Variants in ZFPM2 observed in about 807,000 individuals in gnomAD.
The protein encoded by ZFPM2 is zinc finger protein ZFPM2.
Under a neutral mutation model 98.6 loss-of-function variants are expected in ZFPM2, and 20 were observed. That is an observed-to-expected ratio of 0.20 (90% confidence interval 0.14 to 0.29). The LOEUF (loss-of-function observed/expected upper bound fraction) is 0.29, where lower values mean the gene tolerates loss of function less well. ZFPM2 is among the 10% of genes least tolerant of loss of function. The pLI, the probability that ZFPM2 is intolerant of heterozygous loss-of-function variation, is 1.00. For synonymous variants in ZFPM2, 518 were observed against 502.7 expected, an observed-to-expected ratio of 1.03 and a Z score of -0.41; for missense variants, 1,310 against 1,388.6, an observed-to-expected ratio of 0.94 and a Z score of 0.90.
At chr8:105,570,623 T>C (rs1815334542) in intron 4 of ZFPM2, among the ~76,000 whole-genome samples, 1 of 152,234 alleles carries the variant, frequency 6.6e-6, no homozygotes, top group Non-Finnish European at 1.5e-5. Context: ...TGATAATTTT[T>C]ACTTGCCTCC....
At chr8:105,670,495 C>CAAAAAA (rs1160128174) in intron 5 of ZFPM2, among the ~76,000 whole-genome samples, 6 of 49,250 alleles carry the variant, frequency 1.2e-4, no homozygotes, top group Non-Finnish European at 1.8e-4. Context: ...GAGTCCATCT[C>CAAAAAA]AAAAAAAAAA....
intron 1 of ZFPM2, among the ~76,000 whole-genome samples, chr8:105,373,293 T>G (rs1260031236): frequency 6.6e-6 from 1 of 152,218 alleles, no homozygotes; most frequent in Non-Finnish European, 1.5e-5. Flanking sequence ...TTTCACAAGA[T>G]TCTTCTTTCT....
chr8:105,527,303 G>A (rs955027644), intron 3 of ZFPM2, among the ~76,000 whole-genome samples: 60 of 152,124 alleles, frequency 3.9e-4, no homozygotes, highest in African/African-American at 8.9e-4. Context: ...TGGCAAGGAC[G>A]ACCTGGAAAT....
chr8:105,683,969 G>C (rs911057217), intron 5 of ZFPM2, among the ~76,000 whole-genome samples: 1 of 152,126 alleles, frequency 6.6e-6, no homozygotes, highest in Admixed American at 6.6e-5. Context: ...ATGAATGAAT[G>C]GATGGATCAT....
At chr8:105,541,610 G>A (rs966372875) in intron 3 of ZFPM2, among the ~76,000 whole-genome samples, 1 of 152,146 alleles carries the variant, frequency 6.6e-6, no homozygotes, top group Non-Finnish European at 1.5e-5. Flanking sequence ...TCACTTGTAG[G>A]TGTACACCTA....
At chr8:105,558,428 A>G (rs1815049178) in intron 3 of ZFPM2, among the ~76,000 whole-genome samples, 1 of 152,186 alleles carries the variant, frequency 6.6e-6, no homozygotes, top group Non-Finnish European at 1.5e-5. Context: ...TTGACTTGAT[A>G]TTTTGAACAG....
intron 5 of ZFPM2, among the ~76,000 whole-genome samples, chr8:105,763,161 T>C (rs1812772648): frequency 2.0e-5 from 3 of 151,624 alleles, no homozygotes; most frequent in African/African-American, 7.3e-5. Context: ...TTTGGGACTC[T>C]GTGAAATTTC....
At chr8:105,531,597 T>A (rs1814298829) in intron 3 of ZFPM2, among the ~76,000 whole-genome samples, 1 of 152,142 alleles carries the variant, frequency 6.6e-6, no homozygotes, top group East Asian at 1.9e-4. Context: ...CCTGAGGTAT[T>A]GAGAGTTAGG....
At chr8:105,483,280 T>G (rs1408465024) in intron 3 of ZFPM2, among the ~76,000 whole-genome samples, 5 of 152,014 alleles carry the variant, frequency 3.3e-5, no homozygotes, top group Non-Finnish European at 2.9e-5. Flanking sequence ...AATAATAAAT[T>G]GGCTATATTA....
intron 5 of ZFPM2, among the ~76,000 whole-genome samples, chr8:105,656,773 GT>G (rs771302959): frequency 1.6e-4 from 24 of 152,236 alleles, no homozygotes; most frequent in Middle Eastern, 3.4e-3. Flanking sequence ...ATACTGAAAA[GT>G]TTTAAAAGAC....
intron 4 of ZFPM2, among the ~76,000 whole-genome samples, chr8:105,622,875 A>G (rs577806150): frequency 6.6e-6 from 1 of 152,324 alleles, no homozygotes; most frequent in South Asian, 2.1e-4. Context: ...GAATCCTGAT[A>G]TTAATATAGT....
chr8:105,488,676 A>G (rs1241575406), intron 3 of ZFPM2, among the ~76,000 whole-genome samples: 1 of 152,122 alleles, frequency 6.6e-6, no homozygotes, highest in Non-Finnish European at 1.5e-5. Context: ...AGGCAGAAGA[A>G]TTGCTCCAAC....
chr8:105,610,094 A>G (rs796933893), intron 4 of ZFPM2, among the ~76,000 whole-genome samples: 31 of 152,278 alleles, frequency 2.0e-4, no homozygotes, highest in African/African-American at 6.7e-4. Context: ...AGATAAGTTC[A>G]GGGAAGTCAG....
intron 1 of ZFPM2, among the ~76,000 whole-genome samples, chr8:105,325,105 C>T (rs546531699): frequency 6.5e-4 from 98 of 151,820 alleles, no homozygotes; most frequent in African/African-American, 2.2e-3. Flanking sequence ...TTTTGAAACC[C>T]GGTCTAATTC....
At chr8:105,726,623 A>G (rs1365055521) in intron 5 of ZFPM2, among the ~76,000 whole-genome samples, 1 of 151,756 alleles carries the variant, frequency 6.6e-6, no homozygotes, top group Middle Eastern at 3.2e-3. Flanking sequence ...AAGAACACCG[A>G]AGATGTAATC....
At chr8:105,675,857 A>G (rs1424640452) in intron 5 of ZFPM2, 3 of 152,162 alleles carry the variant, frequency 2.0e-5, no homozygotes, top group Non-Finnish European at 4.4e-5. Flanking sequence ...CTTTTTATTC[A>G]TAGCAATCTT....
At chr8:105,366,906 G>A (rs1441346741) in intron 1 of ZFPM2, among the ~76,000 whole-genome samples, 2 of 147,224 alleles carry the variant, frequency 1.4e-5, no homozygotes, top group African/African-American at 2.5e-5. Context: ...TTTGTATAAG[G>A]TGTAAGGAAG....
At chr8:105,450,188 G>A (rs1186381807) in intron 3 of ZFPM2, among the ~76,000 whole-genome samples, 2 of 152,100 alleles carry the variant, frequency 1.3e-5, no homozygotes, top group Admixed American at 6.6e-5. Flanking sequence ...GATCAGGCAA[G>A]TTCTGCTTTG....
intron 5 of ZFPM2, among the ~76,000 whole-genome samples, chr8:105,688,235 C>T (rs967202955): frequency 6.6e-6 from 1 of 151,936 alleles, no homozygotes; most frequent in Non-Finnish European, 1.5e-5. Flanking sequence ...ATAAGTTGCT[C>T]AGGAGTTCTG....
Sources: gnomAD v4.1 joint callset for allele counts (sites outside exome capture counted in the v4.1 genomes callset) on GRCh38, gnomAD v4.1.1 for gene constraint, MANE v1.5 for transcripts, NCBI Gene and HGNC (gene_info 2026-07-23, HGNC 2026-07-21) for gene names.